The following KLF12 variants were observed in gnomAD, a reference collection of about 807,000 sequenced individuals.
KLF12 encodes Krueppel-like factor 12.
A neutral mutation model predicts 37.8 loss-of-function variants in KLF12; 9 were observed. The observed-to-expected ratio is 0.24, with a 90% CI of 0.14 to 0.42. KLF12 has a LOEUF of 0.42. KLF12 is among the 10% of genes least tolerant of loss of function. The probability of loss-of-function intolerance (pLI) is 1.00; values close to 1 mark genes in which losing one functional copy is unlikely to be tolerated. For missense variants in KLF12, 411 were observed against 516.0 expected, an observed-to-expected ratio of 0.80 and a Z score of 1.97; for synonymous variants, 208 against 202.1, an observed-to-expected ratio of 1.03 and a Z score of -0.25.
the KLF12 span, among the ~76,000 whole-genome samples, chr13:74,169,385 T>C: frequency 6.6e-6 from 1 of 152,214 alleles, no homozygotes; most frequent in Admixed American, 6.5e-5. Flanking sequence ...TCCTGTTTTA[T>C]AGATGAAGAC....
chr13:74,073,556 G>A (rs1194512054), intron 1 of KLF12, among the ~76,000 whole-genome samples: 4 of 152,130 alleles, frequency 2.6e-5, no homozygotes, highest in Admixed American at 6.5e-5. Flanking sequence ...CTGAAATTAG[G>A]AAGTTTTGTT....
intron 5 of KLF12, 25 bp from the exon 6 acceptor site, chr13:73,765,025 G>A (rs372248900): frequency 1.1e-5 from 16 of 1,415,410 alleles, no homozygotes; most frequent in Middle Eastern, 1.8e-4. Context: ...GAATAATCCA[G>A]TCATTGAAAA....
At chr13:73,711,635 A>C (rs1364136797) in intron 7 of KLF12, among the ~76,000 whole-genome samples, 1 of 152,204 alleles carries the variant, frequency 6.6e-6, no homozygotes, top group Non-Finnish European at 1.5e-5. Flanking sequence ...ATTCCTTGAG[A>C]AATATTACTG....
intron 2 of KLF12, among the ~76,000 whole-genome samples, chr13:73,976,572 C>T (rs190524362): frequency 3.7e-4 from 57 of 152,276 alleles, no homozygotes; most frequent in Admixed American, 1.2e-3. Flanking sequence ...ATTTTCTAAT[C>T]CATTTTCTAT....
chr13:73,758,458 T>C (rs1411161229), intron 6 of KLF12, among the ~76,000 whole-genome samples: 1 of 152,184 alleles, frequency 6.6e-6, no homozygotes, highest in Middle Eastern at 3.2e-3. Flanking sequence ...TGCCTGTTCA[T>C]GCTGTAATTA....
intron 5 of KLF12, among the ~76,000 whole-genome samples, chr13:73,769,748 TG>T (rs1380778493): frequency 1.3e-5 from 2 of 152,200 alleles, no homozygotes; most frequent in East Asian, 1.9e-4. Flanking sequence ...ATTTCAAAAA[TG>T]TTGGAATTAT....
the KLF12 span, among the ~76,000 whole-genome samples, chr13:74,169,318 C>A: frequency 3.3e-5 from 5 of 152,142 alleles, no homozygotes; most frequent in African/African-American, 9.7e-5. Flanking sequence ...CACCATCTAA[C>A]ACTAACATTG....
intron 4 of KLF12, among the ~76,000 whole-genome samples, chr13:73,839,529 C>T (rs947517655): frequency 2.0e-5 from 3 of 152,086 alleles, no homozygotes; most frequent in Admixed American, 6.6e-5. Flanking sequence ...TTATCCTGCA[C>T]ATTCCACTAA....
intron 4 of KLF12, among the ~76,000 whole-genome samples, chr13:73,824,964 G>A (rs1313266430): frequency 6.6e-6 from 1 of 152,020 alleles, no homozygotes; most frequent in Admixed American, 6.6e-5. Flanking sequence ...CGCTATTTGG[G>A]AGGCTGAAGT....
chr13:73,736,843 T>C (rs982788747), intron 6 of KLF12, among the ~76,000 whole-genome samples: 4 of 152,184 alleles, frequency 2.6e-5, no homozygotes, highest in African/African-American at 7.2e-5. Context: ...TGAAAGAGAA[T>C]GACCAAAACA....
chr13:74,098,189 A>G (rs1473811853), intron 1 of KLF12, among the ~76,000 whole-genome samples: 2 of 152,204 alleles, frequency 1.3e-5, no homozygotes. Context: ...TGTTTATCAT[A>G]CACAGCTGAT....
At chr13:74,083,539 C>CACACACAA (rs1555270494) in intron 1 of KLF12, among the ~76,000 whole-genome samples, 1 of 139,118 alleles carries the variant, frequency 7.2e-6, no homozygotes, top group African/African-American at 2.6e-5. Context: ...CACACACACA[C>CACACACAA]AAACATTTAA....
chr13:74,033,604 A>G (rs556022750), intron 1 of KLF12, among the ~76,000 whole-genome samples: 1 of 152,346 alleles, frequency 6.6e-6, no homozygotes, highest in South Asian at 2.1e-4. Context: ...ACAAACTTCC[A>G]TAGCAAAGAA....
At chr13:73,874,096 G>A (rs141524516) in intron 3 of KLF12, among the ~76,000 whole-genome samples, 357 of 152,284 alleles carry the variant, frequency 2.3e-3, no homozygotes, top group African/African-American at 7.4e-3. Flanking sequence ...TGCAGCCTTC[G>A]GAGCTGTGGA....
intron 1 of KLF12, among the ~76,000 whole-genome samples, chr13:74,101,938 G>C (rs1365950027): frequency 6.6e-6 from 1 of 151,756 alleles, no homozygotes; most frequent in Non-Finnish European, 1.5e-5. Context: ...GCCTGATGGA[G>C]GCCAGGCACA....
At chr13:73,703,325 A>C (rs1566306980) in intron 7 of KLF12, among the ~76,000 whole-genome samples, 1 of 151,466 alleles carries the variant, frequency 6.6e-6, no homozygotes, top group Non-Finnish European at 1.5e-5. Context: ...TTTTTTCAGC[A>C]ATTAATTATA....
intron 3 of KLF12, among the ~76,000 whole-genome samples, chr13:73,940,835 C>A (rs1217705640): frequency 2.6e-5 from 4 of 152,158 alleles, no homozygotes; most frequent in Admixed American, 1.3e-4. Context: ...AGAAGAGATG[C>A]AGGCCTGTTC....
chr13:74,249,417 A>G, the KLF12 span, among the ~76,000 whole-genome samples: 1 of 151,094 alleles, frequency 6.6e-6, no homozygotes, highest in Non-Finnish European at 1.5e-5. Flanking sequence ...TCTGCTGAAA[A>G]AGAATTCAGA....
intron 4 of KLF12, among the ~76,000 whole-genome samples, chr13:73,822,738 CA>C (rs1883597004): frequency 6.6e-6 from 1 of 152,084 alleles, no homozygotes; most frequent in African/African-American, 2.4e-5. Flanking sequence ...CGTCTTAGAG[CA>C]TAAAAGGCTT....
Sources: allele counts gnomAD v4.1 joint callset (sites outside exome capture counted in the v4.1 genomes callset), GRCh38; gene constraint gnomAD v4.1.1; transcripts MANE v1.5; gene names NCBI Gene and HGNC (gene_info 2026-07-23, HGNC 2026-07-21).